Variants in CSGALNACT1 observed in about 807,000 individuals in gnomAD.
The protein encoded by CSGALNACT1 is chondroitin sulfate N-acetylgalactosaminyltransferase 1.
Under a neutral mutation model 51.0 loss-of-function variants are expected in CSGALNACT1, and 52 were observed. The ratio of observed to expected loss-of-function variants is 1.02; its 90% confidence interval spans 0.82 to 1.29. CSGALNACT1 has a LOEUF of 1.29. Ranked by LOEUF, CSGALNACT1 falls within the 50% of genes most tolerant of loss-of-function variation. CSGALNACT1 has a pLI of 0.00. For missense variants in CSGALNACT1, 935 were observed against 679.2 expected (o/e 1.38, Z -4.19); for synonymous variants, 341 against 254.4 (o/e 1.34, Z -3.24).
At chr8:19,730,169 A>G (rs2063612906) in intron 1 of CSGALNACT1, among the ~76,000 whole-genome samples, 1 of 152,208 alleles carries the variant, frequency 6.6e-6, no homozygotes, top group East Asian at 1.9e-4. Flanking sequence ...TCCTTGAGAA[A>G]TGCAAAGTCA....
chr8:19,517,840 A>T (rs28640069), intron 3 of CSGALNACT1, among the ~76,000 whole-genome samples: 18,152 of 152,200 alleles, frequency 0.12, 3,030 homozygotes, highest in African/African-American at 0.37. Context: ...TAGGAGCTAC[A>T]ATTCAAGATG....
At chr8:19,644,466 T>A (rs1314839570) in intron 1 of CSGALNACT1, among the ~76,000 whole-genome samples, 1 of 150,298 alleles carries the variant, frequency 6.7e-6, no homozygotes, top group East Asian at 1.9e-4. Context: ...TCCCGGTACT[T>A]TGGGAGGCTG....
At chr8:19,737,321 A>G (rs1009391537) in intron 1 of CSGALNACT1, among the ~76,000 whole-genome samples, 3 of 152,164 alleles carry the variant, frequency 2.0e-5, no homozygotes, top group African/African-American at 7.2e-5. Flanking sequence ...AAAAAAATAC[A>G]TAAATGGGGT....
At chr8:19,426,959 T>C (rs1365585717) in intron 6 of CSGALNACT1, among the ~76,000 whole-genome samples, 1 of 152,230 alleles carries the variant, frequency 6.6e-6, no homozygotes, top group Admixed American at 6.5e-5. Context: ...AAAACTAGTA[T>C]TATATCCAAT....
exon 3 of CSGALNACT1, chr8:19,591,277 G>A (rs1238128508): frequency 6.6e-6 from 1 of 152,140 alleles, no homozygotes; most frequent in Non-Finnish European, 1.5e-5. Context: ...CTCCCTTTAT[G>A]TCTGGAGGTT....
chr8:19,543,473 G>C (rs2958550), intron 3 of CSGALNACT1, among the ~76,000 whole-genome samples: 3 of 152,214 alleles, frequency 2.0e-5, no homozygotes, highest in Non-Finnish European at 4.4e-5. Context: ...ACTGTTTGTA[G>C]AAACTGTGAT....
chr8:19,568,675 A>C (rs2958568), intron 3 of CSGALNACT1, among the ~76,000 whole-genome samples: 79,124 of 152,010 alleles, frequency 0.52, 22,191 homozygotes, highest in African/African-American at 0.75. Context: ...TTCAAAAAAT[A>C]TGAGATTCTA....
intron 5 of CSGALNACT1, among the ~76,000 whole-genome samples, chr8:19,443,637 T>C (rs1361995489): frequency 6.6e-6 from 1 of 152,176 alleles, no homozygotes; most frequent in South Asian, 2.1e-4. Flanking sequence ...AAGAACAGTA[T>C]GAGAGAAACT....
chr8:19,692,583 AATGT>A (rs1235110780), intron 1 of CSGALNACT1, among the ~76,000 whole-genome samples: 1 of 152,214 alleles, frequency 6.6e-6, no homozygotes, highest in African/African-American at 2.4e-5. Flanking sequence ...CATGGCTAAA[AATGT>A]ATGTGACTAA....
Position 19,757,247 on chromosome 8 carries a change from C to T in CSGALNACT1, c.-297+603G>A, listed in dbSNP as rs1445524673. The T allele has an allele frequency of 6.7e-6, 1 of 149,824 alleles. No homozygotes were observed. Among genetic ancestry groups the T allele is most frequent in the Non-Finnish European group, 1.5e-5 (1 of 67,094 alleles). The allele number at this position is 149,824 out of a possible 1,614,324, so 9.3% of individuals were successfully genotyped here. A position where few individuals can be genotyped will look rare whatever the true frequency, so the allele number is the denominator to read the frequency against. On this transcript the variant is annotated intron_variant, in intron 1 of 1. Transcript: ENST00000517494. The surrounding 1 kb of genome is among the most constrained non-coding windows in gnomAD (Gnocchi z 4.0). Reference sequence around the variant, plus strand: ...CCGCTGCCGCCGTCGCTGAACTTTCCCTCCTGCGCGGCCGCCGCGGACTCG... The same window carrying T: ...CCGCTGCCGCCGTCGCTGAACTTTCTCTCCTGCGCGGCCGCCGCGGACTCG...
intron 1 of CSGALNACT1, among the ~76,000 whole-genome samples, chr8:19,624,019 A>G (rs2054148530): frequency 6.6e-6 from 1 of 152,182 alleles, no homozygotes; most frequent in African/African-American, 2.4e-5. Flanking sequence ...GAACACAAGA[A>G]TCTTCTATTT....
Position 19,480,871 on chromosome 8 carries a change from C to A in CSGALNACT1, c.635-22229G>T, listed in dbSNP as rs976001937. Reference sequence around the variant, plus strand: ...ACGAGGAATATTTCTTCTTTCTAAACAGTTACTCTAAAGTTTCCACCCGGC... The same window carrying A: ...ACGAGGAATATTTCTTCTTTCTAAAAAGTTACTCTAAAGTTTCCACCCGGC... On this transcript the variant is annotated intron_variant, in intron 4 of 9. Transcript: ENST00000454498. 9.9e-5 allele frequency among the ~76,000 whole-genome samples: 15 copies of A among 152,132 alleles called. 1 individual carries two copies. The highest frequency in any genetic ancestry group is 2.1e-4 in the Non-Finnish European group (14 of 68,024).
At chr8:19,670,210 G>A (rs1200365887) in intron 1 of CSGALNACT1, among the ~76,000 whole-genome samples, 1 of 151,976 alleles carries the variant, frequency 6.6e-6, no homozygotes, top group Non-Finnish European at 1.5e-5. Context: ...GAGAGTTCAG[G>A]GACTATTTTT....
At chr8:19,434,091 T>C (rs545559234) in intron 6 of CSGALNACT1, among the ~76,000 whole-genome samples, 3 of 152,328 alleles carry the variant, frequency 2.0e-5, no homozygotes, top group Non-Finnish European at 2.9e-5. Flanking sequence ...GCTCTCCAGA[T>C]TGTTGCAAAC....
intron 4 of CSGALNACT1, among the ~76,000 whole-genome samples, chr8:19,483,003 T>C (rs1434111276): frequency 1.3e-5 from 2 of 152,122 alleles, no homozygotes; most frequent in Non-Finnish European, 2.9e-5. Context: ...CCATCCCACA[T>C]CCAGTATACA....
Position 19,679,323 on chromosome 8 carries a change from T to C in CSGALNACT1, c.-544+3150A>G, listed in dbSNP as rs114148700. Among the ~76,000 whole-genome samples the C allele has an allele frequency of 1.6e-3, 244 of 152,082 alleles. 1 individual carries two copies. Among genetic ancestry groups the C allele is most frequent in the African/African-American group, 5.6e-3 (233 of 41,454 alleles). ...TACAAAAATTAGTGGGGTTTGGTGA[T>C]GTGCATCTCTAGTCCCAGCTACTTG... is the stretch of plus-strand genomic sequence containing the variant. On this transcript the variant is annotated intron_variant, in intron 1 of 9. Transcript: ENST00000332246.
chr8:19,599,524 GA>G (rs869289691), intron 2 of CSGALNACT1, among the ~76,000 whole-genome samples: 11 of 78,402 alleles, frequency 1.4e-4, no homozygotes, highest in Non-Finnish European at 2.0e-4. Flanking sequence ...AAGAAAGAAA[GA>G]AAAGAAAGAA....
chr8:19,647,322 CAAG>C (rs1367708809), intron 1 of CSGALNACT1, among the ~76,000 whole-genome samples: 4 of 152,126 alleles, frequency 2.6e-5, no homozygotes, highest in South Asian at 2.1e-4. Context: ...GAGGTCAAAG[CAAG>C]AAGATCACTT....
chr8:19,675,080 G>C (rs1364959215), intron 1 of CSGALNACT1, among the ~76,000 whole-genome samples: 1 of 152,194 alleles, frequency 6.6e-6, no homozygotes, highest in Non-Finnish European at 1.5e-5. Flanking sequence ...AAAGTCTGGT[G>C]AGAGGTCCAG....
Sources: allele counts gnomAD v4.1 joint callset (sites outside exome capture counted in the v4.1 genomes callset), GRCh38; gene constraint gnomAD v4.1.1; non-coding constraint Gnocchi (gnomAD v3.1); transcripts MANE v1.5; gene names NCBI Gene and HGNC (gene_info 2026-07-23, HGNC 2026-07-21).